The following GABRA4 variants were observed in gnomAD, a reference collection of about 807,000 sequenced individuals.
GABRA4 encodes the protein gamma-aminobutyric acid type A receptor subunit alpha4, also known as gamma-aminobutyric acid receptor subunit alpha-4.
GABRA4 carries 12 observed loss-of-function variants against 49.7 expected under a neutral mutation model. That is an observed-to-expected ratio of 0.24 (90% confidence interval 0.15 to 0.39). GABRA4 has a LOEUF of 0.39. Among genes scored for constraint, GABRA4 ranks in the 10% least tolerant of loss-of-function variants. The pLI, the probability that GABRA4 is intolerant of heterozygous loss-of-function variation, is 1.00. For missense variants in GABRA4, 506 were observed against 686.0 expected (o/e 0.74, Z 2.93); for synonymous variants, 288 against 240.2 (o/e 1.20, Z -1.84).
chr4:46,965,255 A>T (rs1353924371), intron 7 of GABRA4, 26 bp from the exon 8 acceptor site: 1 of 1,396,542 alleles, frequency 7.2e-7, no homozygotes, highest in Non-Finnish European at 9.4e-7. Context: ...GCAGAGAGAC[A>T]AAACACCTTA....
intron 6 of GABRA4, among the ~76,000 whole-genome samples, chr4:46,972,131 C>T (rs1245216889): frequency 1.3e-5 from 2 of 151,522 alleles, no homozygotes; most frequent in Non-Finnish European, 1.5e-5. Flanking sequence ...AATAAATTTT[C>T]CTGGACAGAT....
chr4:46,958,422 A>G (rs1722440757), intron 8 of GABRA4, among the ~76,000 whole-genome samples: 1 of 151,942 alleles, frequency 6.6e-6, no homozygotes, highest in Non-Finnish European at 1.5e-5. Context: ...GATTGAAGTG[A>G]TTTTTAAAAA....
In GABRA4 at chr4:46,928,186, A is replaced by C. The variant is rs750950269; in HGVS notation, c.*39T>G. The C allele has an allele frequency of 1.8e-5, 26 of 1,463,656 alleles. No homozygotes were observed. Among genetic ancestry groups the C allele is most frequent in the Non-Finnish European group, 2.1e-5 (23 of 1,083,404 alleles). The allele number at this position is 1,463,656 out of a possible 1,614,324, so 90.7% of individuals were successfully genotyped here. A position where few individuals can be genotyped will look rare whatever the true frequency, so the allele number is the denominator to read the frequency against. On this transcript the variant is annotated 3_prime_UTR_variant, in exon 9 of 9. Coordinates refer to ENST00000264318, the MANE Select transcript of GABRA4 (RefSeq NM_000809.4). Reference sequence around the variant, plus strand: ...AAAAACATTTAAAAAGACATTCTGCATTTTCATCATCTTTTAGCAAACTAC... The same window carrying C: ...AAAAACATTTAAAAAGACATTCTGCCTTTTCATCATCTTTTAGCAAACTAC...
At chr4:46,949,456 C>T (rs1722089586) in intron 8 of GABRA4, among the ~76,000 whole-genome samples, 1 of 151,986 alleles carries the variant, frequency 6.6e-6, no homozygotes, top group Non-Finnish European at 1.5e-5. Flanking sequence ...AAATGCTAAC[C>T]TGGGTAGGCC....
At chr4:46,981,691 T>C (rs149165904) in intron 2 of GABRA4, among the ~76,000 whole-genome samples, 44 of 152,204 alleles carry the variant, frequency 2.9e-4, no homozygotes, top group Non-Finnish European at 4.3e-4. Context: ...AGAGTATAAA[T>C]ACAGTAGTAA....
chr4:46,951,151 A>G (rs939274891), intron 8 of GABRA4, among the ~76,000 whole-genome samples: 1 of 152,040 alleles, frequency 6.6e-6, no homozygotes, highest in African/African-American at 2.4e-5. Flanking sequence ...TTAAGAGAAG[A>G]GTTACACAGA....
chr4:46,978,889 C>G (rs1218788839), intron 3 of GABRA4, 142 bp downstream of exon 3: 2 of 673,536 alleles, frequency 3.0e-6, no homozygotes, highest in Non-Finnish European at 5.4e-6. Flanking sequence ...ATGTCTTACT[C>G]TTCATACATT....
intron 5 of GABRA4, among the ~76,000 whole-genome samples, chr4:46,974,617 G>A (rs1399968340): frequency 6.6e-6 from 1 of 151,882 alleles, no homozygotes; most frequent in East Asian, 1.9e-4. Flanking sequence ...GCCAAATAAA[G>A]GAGGAGGAGA....
chr4:46,965,120 A>G lies in GABRA4; in HGVS notation c.984T>C (p.Ala328=). The G allele has an allele frequency of 2.5e-6, 4 of 1,612,218 alleles. No individual in the cohort carries two copies. Among genetic ancestry groups the G allele is most frequent in the Non-Finnish European group, 3.4e-6 (4 of 1,178,834 alleles). ...AMDWFIAVCF[A]FVFSALIEFA... is the part of the protein sequence containing the mutation. ...ACTCGATAAGGGCCGAAAATACAAA[A>G]GCAAAGCAGACAGCTATGAACCAGT... The change falls in exon 8 of 9, where the codon GCT becomes GCC. Residue 328 remains alanine (A), a synonymous_variant. Transcript: ENST00000264318.
chr4:46,969,645 G>A (rs902160008), intron 7 of GABRA4, among the ~76,000 whole-genome samples: 1 of 151,408 alleles, frequency 6.6e-6, no homozygotes, highest in African/African-American at 2.4e-5. Flanking sequence ...CGAACTAAGT[G>A]GTCCAGATAC....
intron 8 of GABRA4, among the ~76,000 whole-genome samples, chr4:46,947,571 C>T (rs575718977): frequency 2.5e-4 from 38 of 150,182 alleles, no homozygotes; most frequent in African/African-American, 7.3e-4. Flanking sequence ...GAAGAAAAGG[C>T]GCAAAAAAGG....
rs572841949 is a variant in GABRA4 at position 46,954,807 on chromosome 4, A to T, written c.1134+10163T>A. 2.6e-5 allele frequency among the ~76,000 whole-genome samples: 4 copies of T among 152,236 alleles called. No homozygotes were observed. In the East Asian group the frequency reaches 7.8e-4, roughly 30 times the overall value. On this transcript the variant is annotated intron_variant, in intron 8 of 8. Coordinates refer to ENST00000264318, the MANE Select transcript of GABRA4 (RefSeq NM_000809.4). Reference sequence around the variant, plus strand: ...CAGTTATTTCTAGGTGAGAGGCAGCACCATGAATCTGAAACCATCCAGCTT... The same window carrying T: ...CAGTTATTTCTAGGTGAGAGGCAGCTCCATGAATCTGAAACCATCCAGCTT...
chr4:46,983,021 A>G (rs889355134), intron 2 of GABRA4, among the ~76,000 whole-genome samples: 1 of 152,018 alleles, frequency 6.6e-6, no homozygotes, highest in African/African-American at 2.4e-5. Flanking sequence ...GGTTCTTCCC[A>G]TATACTATTT....
At chr4:46,954,627 A>G (rs1379121357) in intron 8 of GABRA4, among the ~76,000 whole-genome samples, 3 of 152,136 alleles carry the variant, frequency 2.0e-5, no homozygotes, top group Non-Finnish European at 4.4e-5. Context: ...TTGTACTAAT[A>G]CAGACATTTT....
At position 46,920,404 on chromosome 4, in the gene GABRA4, T is replaced by C. The variant is rs374410489; in HGVS notation, c.*7821A>G. The C allele has an allele frequency of 5.9e-5, 9 of 151,434 alleles. No individual in the cohort carries two copies. Among genetic ancestry groups the C allele is most frequent in the South Asian group, 2.1e-4 (1 of 4,822 alleles). 9.4% of individuals were successfully genotyped at this position (151,434 alleles called of 1,614,324 possible). A position where few individuals can be genotyped will look rare whatever the true frequency, so the allele number is the denominator to read the frequency against. ...TAAAAATGAGACACATATGAGAAAA[T>C]ATAAAATATGAGACATATGAGAAAA... On this transcript the variant is annotated 3_prime_UTR_variant, in exon 9 of 9. Transcript: ENST00000264318.
rs557608641 is a variant in GABRA4 at position 46,928,775 on chromosome 4, AATAT to A, written c.1135-24_1135-21del. 2.6e-6 allele frequency: 4 copies of A among 1,529,056 alleles called. No individual in the cohort carries two copies. The highest frequency in any genetic ancestry group is 3.6e-6 in the Non-Finnish European group (4 of 1,114,694). The allele number at this position is 1,529,056 out of a possible 1,614,324, so 94.7% of individuals were successfully genotyped here. A position where few individuals can be genotyped will look rare whatever the true frequency, so the allele number is the denominator to read the frequency against. On this transcript the variant is annotated intron_variant, in intron 8 of 8. Coordinates refer to ENST00000264318, the MANE Select transcript of GABRA4 (RefSeq NM_000809.4). ...TGTATTCTGAAAAGGTATATGAAAAAATATATTGGTTATGTAACTTTATGCAGAT... is the reference window on the plus strand; with the variant it reads ...TGTATTCTGAAAAGGTATATGAAAAAATTGGTTATGTAACTTTATGCAGAT...
At chr4:46,939,488 T>C (rs896108929) in intron 8 of GABRA4, among the ~76,000 whole-genome samples, 4 of 152,030 alleles carry the variant, frequency 2.6e-5, no homozygotes, top group Admixed American at 1.3e-4. Flanking sequence ...ACCTAAAACG[T>C]TGAGCACCTC....
In GABRA4 at chr4:46,927,998, A is replaced by G. The variant is rs1721288540; in HGVS notation, c.*227T>C. 5 of 422,008 alleles carry G rather than the reference A, an allele frequency of 1.2e-5. No individual in the cohort carries two copies. The highest frequency in any genetic ancestry group is 2.1e-5 in the Non-Finnish European group (5 of 236,468). 26.1% of individuals were successfully genotyped at this position (422,008 alleles called of 1,614,324 possible). On this transcript the variant is annotated 3_prime_UTR_variant, in exon 9 of 9. Coordinates refer to ENST00000264318, the MANE Select transcript of GABRA4 (RefSeq NM_000809.4). ...AACTTTCCAGGATGGTGTGTATTCT[A>G]TCTAACTGAATGCTGAGTTCTTTTA... is the stretch of plus-strand genomic sequence containing the variant.
In GABRA4 at chr4:46,928,285, C is replaced by T; in HGVS notation, c.1605G>A (p.Met535Ile). The change falls in exon 9 of 9, where the codon ATG becomes ATA. Residue 535 changes from methionine to isoleucine, a missense_variant. By Grantham distance (10) the Met-to-Ile change is conservative. This residue lies in a region of GABRA4 where 29 missense variants were observed against 25.1 expected (regional missense o/e 1.16). Coordinates refer to ENST00000264318, the MANE Select transcript of GABRA4 (RefSeq NM_000809.4). ...LFPVTFGAFNMVYWVVYLSKD... is the reference protein window; with the variant it reads ...LFPVTFGAFNIVYWVVYLSKD... ...TAGATAAATAAACAACCCAATAAAC[C>T]ATGTTAAATGCCCCAAATGTGACTG... 6.2e-7 allele frequency: 1 copy of T among 1,613,180 alleles called. No homozygotes were observed. The highest frequency in any genetic ancestry group is 8.5e-7 in the Non-Finnish European group (1 of 1,179,526).
Sources: allele counts gnomAD v4.1 joint callset (sites outside exome capture counted in the v4.1 genomes callset), GRCh38; gene constraint gnomAD v4.1.1; regional missense constraint gnomAD v4.1.1; transcripts MANE v1.5; gene names NCBI Gene and HGNC (gene_info 2026-07-23, HGNC 2026-07-21).